The following KDM5C variants were observed in gnomAD, a reference collection of about 807,000 sequenced individuals.
The protein encoded by KDM5C is lysine-specific demethylase 5C.
A neutral mutation model predicts 110.6 loss-of-function variants in KDM5C; 16 were observed. The observed-to-expected ratio is 0.14, with a 90% confidence interval of 0.10 to 0.22. The LOEUF (loss-of-function observed/expected upper bound fraction) is 0.22. Ranked by LOEUF, KDM5C falls within the 10% of genes least tolerant of loss-of-function variation. The pLI is 1.00. For synonymous variants in KDM5C, 511 were observed against 520.4 expected (o/e 0.98, Z 0.24); for missense variants, 681 against 1,300.9 (o/e 0.52, Z 7.33).
chrX:53,180,237 G>A (rs1320990942), intron 25 of KDM5C, among the ~76,000 whole-genome samples: 1 of 111,407 alleles, frequency 9.0e-6, no homozygotes, highest in Non-Finnish European at 1.9e-5. Flanking sequence ...TAAAACTATG[G>A]AGACAGTAAA....
intron 25 of KDM5C, among the ~76,000 whole-genome samples, chrX:53,179,079 C>T (rs1286725435): frequency 8.9e-6 from 1 of 112,086 alleles, no homozygotes; most frequent in Non-Finnish European, 1.9e-5. Context: ...TACCAAAATA[C>T]AAAAATTAGC....
At chrX:53,199,271 G>A (rs184289554) in intron 14 of KDM5C, 113 bp from the exon 15 acceptor site, 1 of 796,567 alleles carries the variant, frequency 1.3e-6, no homozygotes, top group African/African-American at 2.0e-5. Flanking sequence ...AGGGTCATGG[G>A]GTTTAAGAGG....
At chrX:53,208,051 G>A (rs1304090403) in intron 12 of KDM5C, among the ~76,000 whole-genome samples, 1 of 66,968 alleles carries the variant, frequency 1.5e-5, no homozygotes, top group Admixed American at 2.0e-4. Context: ...TCCCACCAAA[G>A]GGGAAGGTGG....
At chrX:53,184,493 C>A (rs1210041366) in intron 25 of KDM5C, among the ~76,000 whole-genome samples, 1 of 111,531 alleles carries the variant, frequency 9.0e-6, no homozygotes, top group Non-Finnish European at 1.9e-5. Flanking sequence ...CCTCCCACCT[C>A]AGCCTCCCAA....
downstream of KDM5C, among the ~76,000 whole-genome samples, chrX:53,188,091 G>A (rs1934283223): frequency 9.0e-6 from 1 of 111,657 alleles, no homozygotes; most frequent in Non-Finnish European, 1.9e-5. Flanking sequence ...TCTAAAGATG[G>A]AGAAAAATAG....
chrX:53,193,229 C>T lies in KDM5C; in HGVS notation c.4421G>A (p.Arg1474Gln), dbSNP rs781803231. The T allele has an allele frequency of 1.3e-5, 16 of 1,209,670 alleles. No individual in the cohort carries two copies. In the East Asian group the frequency reaches 1.5e-4, roughly 11 times the overall value. Residue 1474 changes from arginine to glutamine, a missense_variant, in exon 26 of 26, where the codon CGA becomes CAA. Arg to Gln is a conservative substitution (Grantham distance 43). Around this residue, in one of 14 missense-constraint regions of KDM5C, gnomAD observed 115 missense variants for 120.9 expected, o/e 0.95. Coordinates refer to ENST00000375401, the MANE Select transcript of KDM5C (RefSeq NM_004187.5). ...TACCCTCTTTGGCTCTAGCTCCTCT[C>T]GGGCTGGGTCATCGCCCTCCCCACC... ...DRGGEGDDPA[R>Q]EELEPKRVRS...
chrX:53,196,027 C>T lies in KDM5C; in HGVS notation c.3009G>A (p.Glu1003=). 1 of 1,212,182 alleles carries T rather than the reference C, an allele frequency of 8.2e-7. No homozygotes were observed. Among genetic ancestry groups the T allele is most frequent in the African/African-American group, 1.7e-5 (1 of 58,001 alleles). Residue 1003 remains glutamate, a synonymous_variant, in exon 20 of 26, where the codon GAG becomes GAA. Coordinates refer to ENST00000375401, the MANE Select transcript of KDM5C (RefSeq NM_004187.5). ...ARQKHPPATL[E]AIIREAENIP... is the part of the protein sequence containing the mutation. ...TGTTTTCCGCTTCACGGATTATGGC[C>T]TCAAGTGTGGCTGGTGGATGCTTCT...
rs1425827715 is a variant in KDM5C at position 53,224,721 on chromosome X, A to T, written c.150+19T>A. 8.3e-7 allele frequency: 1 copy of T among 1,209,806 alleles called. No homozygotes were observed. Among genetic ancestry groups the T allele is most frequent in the Non-Finnish European group, 1.1e-6 (1 of 894,646 alleles). ...TTCATTCCGTCTCGCCGCCGGCGAA[A>T]ACCGGCCCCGGGGCTTACCGCGGGT... On this transcript the variant is annotated intron_variant, in intron 1 of 25. Transcript: ENST00000375401.
downstream of KDM5C, chrX:53,191,748 A>G: frequency 5.7e-6 from 1 of 174,197 alleles, no homozygotes; most frequent in African/African-American, 2.9e-5. Context: ...AGCAGTATAT[A>G]ATCAGATCTA....
intron 1 of KDM5C, among the ~76,000 whole-genome samples, chrX:53,224,383 A>T (rs2073978715): frequency 8.9e-6 from 1 of 111,879 alleles, no homozygotes; most frequent in African/African-American, 3.3e-5. Flanking sequence ...AAGTGATGAC[A>T]ACAGATTGGA....
chrX:53,195,476 T>A (rs1556836106), intron 20 of KDM5C, 66 bp from the exon 21 acceptor site: 2 of 1,032,520 alleles, frequency 1.9e-6, no homozygotes. Flanking sequence ...ACTCTGTGCC[T>A]GGCCCTGAGC....
chrX:53,187,914 T>C (rs1330302741), downstream of KDM5C, among the ~76,000 whole-genome samples: 1 of 109,596 alleles, frequency 9.1e-6, no homozygotes, highest in Non-Finnish European at 1.9e-5. Flanking sequence ...GGCTAATTTT[T>C]TGTATTTTTA....
At chrX:53,209,039 A>G (rs965002977) in intron 12 of KDM5C, among the ~76,000 whole-genome samples, 1 of 106,353 alleles carries the variant, frequency 9.4e-6, no homozygotes, top group Non-Finnish European at 1.9e-5. Flanking sequence ...CTGGTTTTGA[A>G]CTCCTGACCT....
intron 22 of KDM5C, 84 bp downstream of exon 22, chrX:53,194,847 G>T (rs1296618095): frequency 8.4e-7 from 1 of 1,189,361 alleles, no homozygotes; most frequent in African/African-American, 1.8e-5. Flanking sequence ...AGGCTCAGGG[G>T]ACAAGCGGTC....
rs387906729 is a variant in KDM5C at position 53,210,500 on chromosome X, G to T, written c.1660C>A (p.Pro554Thr). The change falls in exon 12 of 26, where the codon CCT (proline) becomes ACT (threonine). Residue 554 changes from proline (P) to threonine (T), a missense_variant. By Grantham distance (38) the Pro-to-Thr change is conservative (BLOSUM62 -1). Transcript: ENST00000375401. ...HLEEVMKKLT[P>T]ELFDSQPDLL... ...TCAGGCTGGCTATCAAATAGTTCAG[G>T]TGTCAGCTTCTTCATCACTTCTTCC... 1 of 1,210,294 alleles carries T rather than the reference G, an allele frequency of 8.3e-7. No individual in the cohort carries two copies. The highest frequency in any genetic ancestry group is 1.1e-6 in the Non-Finnish European group (1 of 895,262).
intron 20 of KDM5C, 26 bp downstream of exon 20, chrX:53,195,890 T>C (rs1293083482): frequency 1.1e-5 from 13 of 1,200,875 alleles, no homozygotes; most frequent in Admixed American, 2.2e-5. Context: ...ACTGAAGGCC[T>C]GGGGTGGGAG....
intron 2 of KDM5C, 90 bp downstream of exon 2, chrX:53,220,749 G>T: frequency 1.3e-6 from 1 of 752,186 alleles, no homozygotes; most frequent in Non-Finnish European, 2.0e-6. Context: ...GCTAGGTAAA[G>T]TACCTCAGCC....
At chrX:53,218,859 C>A (rs1556853435) in intron 2 of KDM5C, 1 of 238,627 alleles carries the variant, frequency 4.2e-6, no homozygotes, top group East Asian at 1.2e-4. Context: ...CAGGCACAAG[C>A]CACTGCACCA....
Position 53,192,517 on chromosome X carries a change from G to C in KDM5C, c.*450C>G. On this transcript the variant is annotated 3_prime_UTR_variant, in exon 26 of 26. Transcript: ENST00000375401. The stretch of plus-strand genomic sequence containing the variant: ...TGGAACAGTCAGGGGAAGGGAGAGG[G>C]AGAAGGGGGTAGGAAGGAAGGAAAA... The C allele has an allele frequency of 3.0e-6, 1 of 332,977 alleles. No homozygotes were observed. 27.4% of individuals were successfully genotyped at this position (332,977 alleles called of 1,213,427 possible).
Sources: allele counts gnomAD v4.1 joint callset (sites outside exome capture counted in the v4.1 genomes callset), GRCh38; gene constraint gnomAD v4.1.1; regional missense constraint gnomAD v4.1.1; transcripts MANE v1.5; gene names NCBI Gene and HGNC (gene_info 2026-07-23, HGNC 2026-07-21).